MATR3: variants seen among roughly 807,000 people sequenced by gnomAD.
MATR3 encodes the protein matrin 3, also known as matrin-3.
Under a neutral mutation model 85.5 loss-of-function variants are expected in MATR3, and 4 were observed. That is an observed-to-expected ratio of 0.05 (90% confidence interval 0.02 to 0.11). The LOEUF (loss-of-function observed/expected upper bound fraction) is 0.11, where lower values mean the gene tolerates loss of function less well. Among genes scored for constraint, MATR3 ranks in the 10% least tolerant of loss-of-function variants. The pLI, the probability that MATR3 is intolerant of heterozygous loss-of-function variation, is 1.00. For missense variants in MATR3, 685 were observed against 1,016.1 expected, an observed-to-expected ratio of 0.67 and a Z score of 4.43; for synonymous variants, 336 against 343.1, an observed-to-expected ratio of 0.98 and a Z score of 0.23.
chr5:139,320,134 C>T (rs1755478966), intron 9 of MATR3, among the ~76,000 whole-genome samples: 1 of 151,402 alleles, frequency 6.6e-6, no homozygotes, highest in South Asian at 2.1e-4. Flanking sequence ...CAGTGAAACC[C>T]CCTCTCTCCT....
At chr5:139,328,217 CTG>C (rs532058913) in intron 14 of MATR3, among the ~76,000 whole-genome samples, 521 of 151,186 alleles carry the variant, frequency 3.4e-3, no homozygotes, top group Middle Eastern at 0.021. Context: ...CATCAAGAAA[CTG>C]TTAAGCATTA....
chr5:139,319,264 C>T, intron 8 of MATR3, 70 bp from the exon 9 acceptor site: 2 of 1,465,334 alleles, frequency 1.4e-6, no homozygotes, highest in South Asian at 1.1e-5. Context: ...TTGGTAAAGA[C>T]TAGGATGTTT....
intron 3 of MATR3, among the ~76,000 whole-genome samples, chr5:139,286,073 A>G (rs185110506): frequency 6.6e-6 from 1 of 152,262 alleles, no homozygotes; most frequent in Non-Finnish European, 1.5e-5. Context: ...TTATAATTAA[A>G]CTCTCAAAAG....
chr5:139,321,159 G>GT (rs997559061), intron 9 of MATR3, among the ~76,000 whole-genome samples: 2 of 151,670 alleles, frequency 1.3e-5, no homozygotes, highest in African/African-American at 4.8e-5. Context: ...TTGGTTTTTG[G>GT]TTTTTTCTGA....
At chr5:139,294,181 C>T (rs1561925044) in intron 1 of MATR3, 23 of 702,794 alleles carry the variant, frequency 3.3e-5, no homozygotes, top group Non-Finnish European at 4.4e-5. Context: ...TACACGCGGG[C>T]CGCGGCGCTG....
intron 1 of MATR3, among the ~76,000 whole-genome samples, chr5:139,298,562 G>T (rs1439771813): frequency 6.6e-6 from 1 of 152,176 alleles, no homozygotes; most frequent in African/African-American, 2.4e-5. Flanking sequence ...GAGCAAGACT[G>T]TCTCAAAAAG....
At chr5:139,278,382 G>A (rs754790240) in intron 2 of MATR3, 2 of 453,800 alleles carry the variant, frequency 4.4e-6, no homozygotes, top group Non-Finnish European at 8.8e-6. Flanking sequence ...ATAGTGGCAG[G>A]TGACAGTCTG....
chr5:139,281,683 T>A (rs889180912), intron 3 of MATR3, among the ~76,000 whole-genome samples: 2 of 152,062 alleles, frequency 1.3e-5, no homozygotes, highest in African/African-American at 2.4e-5. Context: ...TCTTTTCCCA[T>A]GCTGCAATGA....
In MATR3 at chr5:139,293,770, G is replaced by C. The variant is rs1753975061; in HGVS notation, c.-213G>C. On this transcript the variant is annotated 5_prime_UTR_variant, in exon 1 of 15. Transcript: ENST00000394805. The stretch of plus-strand genomic sequence containing the variant: ...TCTCCGCGTCCCGCTCGCTGGGAGA[G>C]AGGTACCTCTCCTTTTCCCTCTCCC... 1 of 392,090 alleles carries C rather than the reference G, an allele frequency of 2.6e-6. No individual in the cohort carries two copies. 24.3% of individuals were successfully genotyped at this position (392,090 alleles called of 1,614,324 possible).
chr5:139,294,027 A>T, intron 1 of MATR3: 1 of 1,280,332 alleles, frequency 7.8e-7, no homozygotes, highest in South Asian at 2.4e-5. Context: ...AGGGCGGCGG[A>T]GGTGAGCGGT....
chr5:139,275,813 C>T (rs1408063449), intron 1 of MATR3, among the ~76,000 whole-genome samples: 2 of 152,252 alleles, frequency 1.3e-5, no homozygotes, highest in African/African-American at 2.4e-5. Flanking sequence ...AATATAATAC[C>T]TCCATTCTAC....
chr5:139,327,930 C>T (rs1755942369), intron 14 of MATR3, among the ~76,000 whole-genome samples: 1 of 151,868 alleles, frequency 6.6e-6, no homozygotes, highest in African/African-American at 2.4e-5. Flanking sequence ...GGCACAATCT[C>T]AGCTCACTGC....
chr5:139,297,881 C>T (rs912068435), intron 1 of MATR3, among the ~76,000 whole-genome samples: 2 of 152,166 alleles, frequency 1.3e-5, no homozygotes, highest in East Asian at 1.9e-4. Context: ...ATCTGACATT[C>T]TCTTTAATGT....
chr5:139,302,708 A>G (rs1053287856), intron 1 of MATR3, among the ~76,000 whole-genome samples: 11 of 152,224 alleles, frequency 7.2e-5, no homozygotes, highest in Admixed American at 5.9e-4. Flanking sequence ...ACAGTCAACT[A>G]TGTCTGCCAT....
chr5:139,314,542 T>G, intron 2 of MATR3, 133 bp from the exon 3 acceptor site: 1 of 714,738 alleles, frequency 1.4e-6, no homozygotes, highest in East Asian at 2.8e-5. Context: ...TAAATCAATG[T>G]GATTTAGTGA....
chr5:139,306,835 T>G (rs1401654117), intron 1 of MATR3, among the ~76,000 whole-genome samples: 1 of 152,196 alleles, frequency 6.6e-6, no homozygotes, highest in Non-Finnish European at 1.5e-5. Context: ...TACAACTGAT[T>G]CATCTTTGAC....
chr5:139,279,909 AAAATTAATCAATT>A (rs1440866248), intron 3 of MATR3: 3 of 152,188 alleles, frequency 2.0e-5, no homozygotes, highest in Admixed American at 6.5e-5. Flanking sequence ...TAAGTTGATA[AAAATTAATCAATT>A]TCTTAATCTC....
At chr5:139,312,678 C>T (rs1188355210) in intron 2 of MATR3, 1 of 152,036 alleles carries the variant, frequency 6.6e-6, no homozygotes, top group East Asian at 1.9e-4. Flanking sequence ...ATTTTTGAGA[C>T]AGTTTCACTC....
chr5:139,306,698 A>C (rs1171951832), intron 1 of MATR3, among the ~76,000 whole-genome samples: 1 of 152,206 alleles, frequency 6.6e-6, no homozygotes, highest in Non-Finnish European at 1.5e-5. Context: ...TTTGCTGTAT[A>C]AAGGTCTCAG....
Sources: gnomAD v4.1 joint callset for allele counts (sites outside exome capture counted in the v4.1 genomes callset) on GRCh38, gnomAD v4.1.1 for gene constraint, MANE v1.5 for transcripts, NCBI Gene and HGNC (gene_info 2026-07-23, HGNC 2026-07-21) for gene names.